VPS8: variants seen among roughly 807,000 people sequenced by gnomAD.
VPS8 encodes VPS8 subunit of CORVET complex.
In VPS8, 129 loss-of-function variants were observed where a neutral mutation model predicts 216.4. The ratio of observed to expected loss-of-function variants is 0.60; its 90% CI spans 0.52 to 0.69. VPS8 has a LOEUF of 0.69. VPS8 is among the 30% of genes least tolerant of loss of function. The pLI is 0.00. For synonymous variants in VPS8, 571 were observed against 565.4 expected (o/e 1.01, Z -0.14); for missense variants, 1,531 against 1,683.5 (o/e 0.91, Z 1.59).
At chr3:184,991,078 ATTAT>A (rs2109829535) in intron 42 of VPS8, among the ~76,000 whole-genome samples, 1 of 152,336 alleles carries the variant, frequency 6.6e-6, no homozygotes, top group South Asian at 2.1e-4. Flanking sequence ...AGGCAAACAA[ATTAT>A]TTATAGACTC....
intron 21 of VPS8, among the ~76,000 whole-genome samples, chr3:184,877,120 T>C (rs1347005128): frequency 6.6e-6 from 1 of 152,202 alleles, no homozygotes; most frequent in Non-Finnish European, 1.5e-5. Context: ...CACAGTGTTC[T>C]CTCTGCATAA....
chr3:184,878,725 C>T (rs1729732110), intron 21 of VPS8, among the ~76,000 whole-genome samples: 1 of 152,060 alleles, frequency 6.6e-6, no homozygotes, highest in African/African-American at 2.4e-5. Context: ...TCAGGTCTTT[C>T]CTAGATTATT....
At chr3:184,821,897 C>T (rs1042108035) in intron 1 of VPS8, among the ~76,000 whole-genome samples, 3 of 152,032 alleles carry the variant, frequency 2.0e-5, no homozygotes, top group Non-Finnish European at 4.4e-5. Flanking sequence ...TTTAATGAAT[C>T]CTGGTGAAAG....
At chr3:184,973,363 A>G (rs1226461072) in intron 40 of VPS8, among the ~76,000 whole-genome samples, 1 of 152,216 alleles carries the variant, frequency 6.6e-6, no homozygotes, top group African/African-American at 2.4e-5. Flanking sequence ...TACTCAAAAA[A>G]TGTATGTATA....
At chr3:184,972,977 G>A (rs1269450242) in intron 40 of VPS8, among the ~76,000 whole-genome samples, 1 of 152,186 alleles carries the variant, frequency 6.6e-6, no homozygotes, top group South Asian at 2.1e-4. Context: ...ATAAATCATG[G>A]CATATTTTCT....
intron 22 of VPS8, among the ~76,000 whole-genome samples, chr3:184,886,510 C>T (rs1731277292): frequency 6.7e-6 from 1 of 149,180 alleles, no homozygotes; most frequent in Admixed American, 6.7e-5. Context: ...TATATATATA[C>T]ACACACACAT....
intron 9 of VPS8, 114 bp from the exon 10 acceptor site, chr3:184,849,822 C>A: frequency 1.3e-6 from 1 of 779,720 alleles, no homozygotes; most frequent in Non-Finnish European, 2.2e-6. Context: ...CTTTATAGTT[C>A]TTTGCCTGCA....
intron 46 of VPS8, among the ~76,000 whole-genome samples, chr3:185,036,026 A>G (rs6767366): frequency 0.089 from 13,475 of 152,194 alleles, 638 homozygotes; most frequent in African/African-American, 0.094. Flanking sequence ...AAAACAAAAC[A>G]AAACAAAATG....
At chr3:185,007,887 C>T (rs1437097533) in intron 45 of VPS8, among the ~76,000 whole-genome samples, 1 of 152,026 alleles carries the variant, frequency 6.6e-6, no homozygotes, top group East Asian at 1.9e-4. Flanking sequence ...TTGCACATTG[C>T]TTATTTATTT....
chr3:184,924,177 G>A (rs527295028), intron 29 of VPS8, among the ~76,000 whole-genome samples: 2 of 152,172 alleles, frequency 1.3e-5, no homozygotes, highest in Non-Finnish European at 2.9e-5. Context: ...AGCGGAAGCC[G>A]TTCACTTCAT....
intron 35 of VPS8, among the ~76,000 whole-genome samples, chr3:184,936,845 C>T (rs1447057349): frequency 4.0e-5 from 6 of 151,746 alleles, no homozygotes; most frequent in Non-Finnish European, 5.9e-5. Context: ...TCAAGCCATT[C>T]TCCTGCCTCA....
At position 184,877,011 on chromosome 3, in the gene VPS8, C is replaced by T. The variant is rs530155135; in HGVS notation, c.1734+6206C>T. On this transcript the variant is annotated intron_variant, in intron 21 of 47. Transcript: ENST00000625842. ...ATTTTCTAAGGCTCTGCATGGTCTA[C>T]GCTTGCCTAACTGCTCCTAATTCTC... is the stretch of plus-strand genomic sequence containing the variant. Among the ~76,000 whole-genome samples the T allele has an allele frequency of 6.6e-5, 10 of 152,302 alleles. No homozygotes were observed. The East Asian group carries it at 1.5e-3, about 24-fold the overall frequency.
intron 18 of VPS8, 116 bp downstream of exon 18, chr3:184,868,175 C>G: frequency 9.2e-7 from 1 of 1,091,938 alleles, no homozygotes. Flanking sequence ...CAGAAGTGTA[C>G]AAGAAAACCA....
intron 37 of VPS8, among the ~76,000 whole-genome samples, chr3:184,963,214 A>G (rs552334607): frequency 7.2e-5 from 11 of 152,230 alleles, no homozygotes; most frequent in African/African-American, 2.6e-4. Context: ...AGTTTCTTTA[A>G]AAGATACAAA....
chr3:184,985,527 T>A (rs1457355070), intron 42 of VPS8, among the ~76,000 whole-genome samples: 1 of 152,180 alleles, frequency 6.6e-6, no homozygotes, highest in Non-Finnish European at 1.5e-5. Flanking sequence ...GTGGCCACCT[T>A]TAGGATTATC....
At chr3:185,031,062 CG>C (rs1758053635) in intron 46 of VPS8, among the ~76,000 whole-genome samples, 4 of 75,260 alleles carry the variant, frequency 5.3e-5, no homozygotes, top group African/African-American at 2.2e-4. Flanking sequence ...TACAGGTTGG[CG>C]TTTTTTTTTT....
At chr3:184,939,289 T>C (rs990940074) in intron 35 of VPS8, among the ~76,000 whole-genome samples, 2 of 151,862 alleles carry the variant, frequency 1.3e-5, no homozygotes, top group Non-Finnish European at 2.9e-5. Flanking sequence ...AGTGAAAAAA[T>C]AGAAAATCAG....
At chr3:185,023,194 C>T (rs753684654) in intron 45 of VPS8, among the ~76,000 whole-genome samples, 3 of 151,882 alleles carry the variant, frequency 2.0e-5, no homozygotes, top group Non-Finnish European at 2.9e-5. Context: ...TGGATTTTCT[C>T]GAATTTTAGA....
chr3:184,874,457 T>C (rs187644679), intron 21 of VPS8, among the ~76,000 whole-genome samples: 13 of 152,304 alleles, frequency 8.5e-5, no homozygotes, highest in Admixed American at 7.2e-4. Flanking sequence ...CAAATCTAGG[T>C]AGCGCCAAGA....
Sources: allele counts gnomAD v4.1 joint callset (sites outside exome capture counted in the v4.1 genomes callset), GRCh38; gene constraint gnomAD v4.1.1; transcripts MANE v1.5; gene names NCBI Gene and HGNC (gene_info 2026-07-23, HGNC 2026-07-21).